The following SANBR variants were observed in gnomAD, a reference collection of about 807,000 sequenced individuals.
The protein encoded by SANBR is SANT and BTB domain regulator of class switch recombination.
SANBR carries 77 observed loss-of-function variants against 101.8 expected under a neutral mutation model. That is an observed-to-expected ratio of 0.76 (90% CI 0.63 to 0.91). The LOEUF is 0.91. Ranked by LOEUF, SANBR falls within the 40% of genes least tolerant of loss-of-function variation. The probability of loss-of-function intolerance (pLI) is 0.00; values close to 1 mark genes in which losing one functional copy is unlikely to be tolerated. For synonymous variants in SANBR, 279 were observed against 274.7 expected, an observed-to-expected ratio of 1.02 and a Z score of -0.15; for missense variants, 875 against 853.0, an observed-to-expected ratio of 1.03 and a Z score of -0.32.
chr2:61,089,256 A>C (rs778403362), intron 10 of SANBR: 163 of 934,400 alleles, frequency 1.7e-4, no homozygotes, highest in Non-Finnish European at 2.0e-4. Context: ...CACACCTATA[A>C]TCCCAGCACT....
chr2:61,095,116 G>A lies in SANBR; in HGVS notation c.1212+2529G>A, dbSNP rs189379281. Among the ~76,000 whole-genome samples, 281 of 152,276 alleles carry A rather than the reference G, an allele frequency of 1.8e-3. 9 individuals carry two copies. The highest frequency in any genetic ancestry group is 1.3e-3 in the Admixed American group (20 of 15,288). On this transcript the variant is annotated intron_variant, in intron 11 of 21. Coordinates refer to ENST00000402291, the MANE Select transcript of SANBR (RefSeq NM_001129993.3). ...TAGCAATTGATATAGTCAGGTTTGG[G>A]TTTTTTGTTAATCTAATAGGTGTGT...
At chr2:61,113,986 T>C (rs1309012928) in intron 16 of SANBR, among the ~76,000 whole-genome samples, 1 of 152,246 alleles carries the variant, frequency 6.6e-6, no homozygotes, top group Non-Finnish European at 1.5e-5. Context: ...TCTCCATCTA[T>C]TGAGAAGATC....
chr2:61,098,836 C>T (rs548027010), intron 12 of SANBR, among the ~76,000 whole-genome samples: 1 of 152,300 alleles, frequency 6.6e-6, no homozygotes, highest in Admixed American at 6.5e-5. Flanking sequence ...AAACTTGGAT[C>T]ATTTATGCCT....
At chr2:61,124,966 A>G (rs1435843671), downstream of SANBR, among the ~76,000 whole-genome samples, 3 of 152,180 alleles carry the variant, frequency 2.0e-5, no homozygotes, top group African/African-American at 7.2e-5. Flanking sequence ...AAAAAAATGT[A>G]TTTTGTGTTT....
intron 8 of SANBR, among the ~76,000 whole-genome samples, chr2:61,085,474 T>C (rs1682375027): frequency 1.3e-5 from 2 of 152,092 alleles, no homozygotes; most frequent in African/African-American, 4.8e-5. Context: ...TTCTGTTGAT[T>C]TCTTTGTCTA....
intron 8 of SANBR, among the ~76,000 whole-genome samples, chr2:61,083,727 G>A (rs1218598213): frequency 6.6e-6 from 1 of 152,032 alleles, no homozygotes; most frequent in Non-Finnish European, 1.5e-5. Context: ...AAATTAGCCA[G>A]GTGTGGTGGC....
At chr2:61,128,271 CA>C (rs1200152788), downstream of SANBR, among the ~76,000 whole-genome samples, 361 of 104,828 alleles carry the variant, frequency 3.4e-3, no homozygotes, top group South Asian at 3.8e-3. Flanking sequence ...GACTCTGTCT[CA>C]AAAAAAAAAA....
chr2:61,134,405 T>C, intron 21 of SANBR: 2 of 875,522 alleles, frequency 2.3e-6, no homozygotes, highest in Non-Finnish European at 1.7e-6. Context: ...TTGCCTTTTG[T>C]TTGCTGCCTA....
intron 1 of SANBR, among the ~76,000 whole-genome samples, chr2:61,067,287 A>C (rs1449600143): frequency 2.0e-5 from 3 of 152,218 alleles, no homozygotes; most frequent in African/African-American, 7.2e-5. Context: ...AATTAGTATC[A>C]CATTTGAAAT....
At chr2:61,110,534 C>G (rs969847328) in intron 16 of SANBR, among the ~76,000 whole-genome samples, 3 of 152,178 alleles carry the variant, frequency 2.0e-5, no homozygotes, top group African/African-American at 7.2e-5. Flanking sequence ...CAAAAATTAG[C>G]CGGGCATAAT....
chr2:61,137,777 A>G (rs1684894249), exon 22 of SANBR: 1 of 152,132 alleles, frequency 6.6e-6, no homozygotes, highest in Non-Finnish European at 1.5e-5. Flanking sequence ...CTTTTCCCAG[A>G]AGTGAACATT....
chr2:61,115,980 G>T lies in SANBR; in HGVS notation c.1746G>T (p.Arg582Ser). ...ATAACATTGTCTTCTCATTATCAGGGAAAAAGGAGAAGCCAAAGAAGTTCA... is the reference window on the plus strand; with the variant it reads ...ATAACATTGTCTTCTCATTATCAGGTAAAAAGGAGAAGCCAAAGAAGTTCA... Reference protein sequence around the residue: ...GDEEEVSKKQRKKEKPKKFTR... With the variant: ...GDEEEVSKKQSKKEKPKKFTR... The change falls in exon 17 of 22, where the codon AGG becomes AGT. Residue 582 changes from arginine to serine, a missense_variant and splice_region_variant. Physicochemically the swap from Arg to Ser is moderately radical, Grantham distance 110. Coordinates refer to ENST00000402291, the MANE Select transcript of SANBR (RefSeq NM_001129993.3). The T allele has an allele frequency of 6.2e-7, 1 of 1,601,494 alleles. No homozygotes were observed. The highest frequency in any genetic ancestry group is 8.5e-7 in the Non-Finnish European group (1 of 1,171,914).
rs920312653 is a variant in SANBR at position 61,105,227 on chromosome 2, A to G, written c.1511+1229A>G. Among the ~76,000 whole-genome samples the G allele has an allele frequency of 4.6e-5, 7 of 152,230 alleles. No individual in the cohort carries two copies. In the East Asian group the frequency reaches 1.2e-3, roughly 25 times the overall value. The stretch of plus-strand genomic sequence containing the variant: ...GAAACCCCGTCTGTACTAACCAGGC[A>G]TGGTGGCAGGTGCCTGTAATCCTAG... On this transcript the variant is annotated intron_variant, in intron 13 of 21. Coordinates refer to ENST00000402291, the MANE Select transcript of SANBR (RefSeq NM_001129993.3).
At chr2:61,129,528 C>T (rs947373036) in intron 20 of SANBR, among the ~76,000 whole-genome samples, 8 of 151,160 alleles carry the variant, frequency 5.3e-5, no homozygotes, top group South Asian at 2.1e-4. Flanking sequence ...TTAGTAAAGA[C>T]GACATGCATA....
At chr2:61,093,108 G>A (rs928870964) in intron 11 of SANBR, among the ~76,000 whole-genome samples, 6 of 151,976 alleles carry the variant, frequency 3.9e-5, no homozygotes, top group African/African-American at 1.2e-4. Context: ...ACTCCAGCCT[G>A]GGTGACAGAG....
chr2:61,083,352 G>C, intron 8 of SANBR, 38 bp downstream of exon 8: 1 of 1,172,316 alleles, frequency 8.5e-7, no homozygotes, highest in Non-Finnish European at 1.2e-6. Context: ...TAATACTCCT[G>C]TTAAAAGAAA....
chr2:61,092,536 C>T lies in SANBR; in HGVS notation c.1161C>T (p.Tyr387=). The change falls in exon 11 of 22, where the codon TAC becomes TAT. Residue 387 remains tyrosine (Y), a synonymous_variant. Transcript: ENST00000402291. The part of the protein sequence containing the change: ...FEELKSWRDV[Y]WRLWGTINWL... Reference sequence around the variant, plus strand: ...AATTAAAATCTTGGAGAGATGTATACTGGCGATTGTGGGGAACAATCAATT... The same window carrying T: ...AATTAAAATCTTGGAGAGATGTATATTGGCGATTGTGGGGAACAATCAATT... The T allele has an allele frequency of 6.2e-7, 1 of 1,606,592 alleles. No homozygotes were observed. The highest frequency in any genetic ancestry group is 1.1e-5 in the South Asian group (1 of 88,618).
At chr2:61,130,816 G>A (rs1684664471) in intron 20 of SANBR, among the ~76,000 whole-genome samples, 2 of 148,252 alleles carry the variant, frequency 1.3e-5, no homozygotes, top group Non-Finnish European at 1.5e-5. Flanking sequence ...GGTGGCATAT[G>A]CTTGTAATCC....
chr2:61,083,937 ACT>A (rs1358737803), intron 8 of SANBR, among the ~76,000 whole-genome samples: 1 of 149,840 alleles, frequency 6.7e-6, no homozygotes, highest in Admixed American at 6.7e-5. Context: ...ATTAATTTTT[ACT>A]CTCTCTTTTC....
Sources: allele counts gnomAD v4.1 joint callset (sites outside exome capture counted in the v4.1 genomes callset), GRCh38; gene constraint gnomAD v4.1.1; transcripts MANE v1.5; gene names NCBI Gene and HGNC (gene_info 2026-07-23, HGNC 2026-07-21).